CAPN9: variants seen among roughly 807,000 people sequenced by gnomAD.
The protein encoded by CAPN9 is calpain-9.
CAPN9 carries 81 observed loss-of-function variants against 92.8 expected under a neutral mutation model. The observed-to-expected ratio is 0.87, with a 90% confidence interval of 0.73 to 1.05. CAPN9 has a LOEUF of 1.05. CAPN9 is among the 50% of genes least tolerant of loss of function. The pLI, the probability that CAPN9 is intolerant of heterozygous loss-of-function variation, is 0.00. For synonymous variants in CAPN9, 304 were observed against 328.0 expected (o/e 0.93, Z 0.79); for missense variants, 848 against 866.2 (o/e 0.98, Z 0.26).
chr1:230,797,151 C>A (rs1668409172), intron 18 of CAPN9, among the ~76,000 whole-genome samples: 1 of 152,166 alleles, frequency 6.6e-6, no homozygotes, highest in Admixed American at 6.5e-5. Flanking sequence ...TCAGGGGTGG[C>A]ACACAGCATT....
Position 230,790,122 on chromosome 1 carries a change from A to T in CAPN9, c.1600-10A>T, listed in dbSNP as rs758735123. The stretch of plus-strand genomic sequence containing the variant: ...AGGGCTATAACAAACAATTGTCTCC[A>T]CTTCAACAGGACATGGAGGTGACAG... On this transcript the variant is annotated splice_polypyrimidine_tract_variant and intron_variant, in intron 13 of 19. Transcript: ENST00000271971. 2.8e-5 allele frequency: 45 copies of T among 1,610,912 alleles called. No homozygotes were observed. In the East Asian group the frequency reaches 7.1e-4, roughly 26 times the overall value.
intron 3 of CAPN9, among the ~76,000 whole-genome samples, chr1:230,761,470 C>T (rs1017973147): frequency 6.6e-6 from 1 of 152,136 alleles, no homozygotes; most frequent in Non-Finnish European, 1.5e-5. Flanking sequence ...GTGCCTCAGT[C>T]CCACCTGAAG....
chr1:230,796,361 A>C (rs1668357575), intron 18 of CAPN9, among the ~76,000 whole-genome samples: 1 of 149,684 alleles, frequency 6.7e-6, no homozygotes, highest in Non-Finnish European at 1.5e-5. Context: ...TAAATAAATA[A>C]ATAAATAAAT....
Position 230,801,704 on chromosome 1 carries a change from C to T in CAPN9, c.*108C>T. ...CATTACGCCCAGGGTTCACTCCCCT[C>T]TCATCGTCCGGCCTTCTCCCTTCAT... On this transcript the variant is annotated 3_prime_UTR_variant, in exon 20 of 20. Coordinates refer to ENST00000271971, the MANE Select transcript of CAPN9 (RefSeq NM_006615.3). 5 of 977,388 alleles carry T rather than the reference C, an allele frequency of 5.1e-6. No homozygotes were observed. The South Asian group carries it at 6.4e-5, about 13-fold the overall frequency. The allele number at this position is 977,388 out of a possible 1,614,324, so 60.5% of individuals were successfully genotyped here. A position where few individuals can be genotyped will look rare whatever the true frequency, so the allele number is the denominator to read the frequency against.
chr1:230,797,378 A>T (rs1668425373), intron 18 of CAPN9, among the ~76,000 whole-genome samples: 1 of 152,146 alleles, frequency 6.6e-6, no homozygotes, highest in African/African-American at 2.4e-5. Context: ...CACCTAACGA[A>T]ATTCTCAGCA....
In CAPN9 at chr1:230,779,149, G is replaced by A. The variant is rs765323395; in HGVS notation, c.1114+16G>A. On this transcript the variant is annotated intron_variant, in intron 9 of 19. Coordinates refer to ENST00000271971, the MANE Select transcript of CAPN9 (RefSeq NM_006615.3). ...AATTTCCTGGGTAGGTAGGCTGCCT[G>A]TCACTCTCTCTGCCACTCCCAAGTG... is the stretch of plus-strand genomic sequence containing the variant. 7 of 1,611,028 alleles carry A rather than the reference G, an allele frequency of 4.3e-6. No homozygotes were observed. The Admixed American group carries it at 1.2e-4, about 27-fold the overall frequency.
intron 17 of CAPN9, 22 bp downstream of exon 17, chr1:230,792,950 A>T: frequency 6.3e-7 from 1 of 1,587,740 alleles, no homozygotes; most frequent in Non-Finnish European, 8.6e-7. Context: ...ACTGGAGTAC[A>T]GGTGGCTGAC....
At chr1:230,780,780 CT>C (rs1229839425) in intron 11 of CAPN9, 72 bp downstream of exon 11, 1 of 1,231,380 alleles carries the variant, frequency 8.1e-7, no homozygotes, top group Non-Finnish European at 1.2e-6. Context: ...CACCTGGGAA[CT>C]GCTGGAGCCA....
chr1:230,772,646 G>A (rs1212224046), intron 7 of CAPN9, among the ~76,000 whole-genome samples: 1 of 152,158 alleles, frequency 6.6e-6, no homozygotes, highest in Non-Finnish European at 1.5e-5. Flanking sequence ...GCAAGCCGAG[G>A]TGGGAGGATC....
chr1:230,790,248 G>A (rs1163486191), intron 14 of CAPN9, 59 bp downstream of exon 14: 12 of 1,596,756 alleles, frequency 7.5e-6, no homozygotes, highest in South Asian at 1.1e-5. Flanking sequence ...CGACCACACT[G>A]CCTGGGTCCC....
At chr1:230,758,678 C>G (rs1172510859) in intron 2 of CAPN9, among the ~76,000 whole-genome samples, 1 of 152,186 alleles carries the variant, frequency 6.6e-6, no homozygotes, top group Non-Finnish European at 1.5e-5. Flanking sequence ...AATGTGAACT[C>G]AGAAACTGCC....
At chr1:230,775,034 C>T (rs1019839034) in intron 8 of CAPN9, among the ~76,000 whole-genome samples, 2 of 152,120 alleles carry the variant, frequency 1.3e-5, no homozygotes, top group Non-Finnish European at 2.9e-5. Flanking sequence ...AGCCACCACG[C>T]CCAGCCTTCT....
chr1:230,769,649 CTATCTATCTATCTATCT>C (rs1262017713), intron 6 of CAPN9, among the ~76,000 whole-genome samples: 3 of 129,262 alleles, frequency 2.3e-5, no homozygotes, highest in Admixed American at 8.1e-5. Flanking sequence ...ATCTATCTAT[CTATCTATCTATCTATCT>C]ATCTATCTAT....
At chr1:230,781,485 T>A (rs1009486097) in intron 11 of CAPN9, among the ~76,000 whole-genome samples, 1 of 152,230 alleles carries the variant, frequency 6.6e-6, no homozygotes, top group African/African-American at 2.4e-5. Flanking sequence ...TCATTTTACA[T>A]ACCCAATATT....
chr1:230,794,647 C>T (rs1668223635), intron 17 of CAPN9, among the ~76,000 whole-genome samples: 1 of 152,200 alleles, frequency 6.6e-6, no homozygotes, highest in Non-Finnish European at 1.5e-5. Context: ...TCATTCTTCC[C>T]CCATCGTGGA....
In CAPN9 at chr1:230,780,210, GTC is replaced by G. The variant is rs1338023414; in HGVS notation, c.1150_1151del (p.Leu384AspfsTer2). 1 of 1,613,858 alleles carries G rather than the reference GTC, an allele frequency of 6.2e-7. No homozygotes were observed. The highest frequency in any genetic ancestry group is 8.5e-7 in the Non-Finnish European group (1 of 1,179,920). On this transcript the variant is annotated frameshift_variant, in exon 10 of 20. Transcript: ENST00000271971. LOFTEE classifies it high-confidence loss of function. ...TTTGGACCAATCCACAAATAAAATT[GTC>G]TCTGACTGAGAAAGATGAGGGGCAG... Reference protein sequence around the residue: ...TFWTNPQIKLSLTEKDEGQEE... With the variant: ...TFWTNPQIKLXLTEKDEGQEE...
rs777730830 is a variant in CAPN9 at position 230,778,933 on chromosome 1, C to T, written c.954-40C>T. 145 of 1,569,000 alleles carry T rather than the reference C, an allele frequency of 9.2e-5. 1 individual carries two copies. In the Admixed American group the frequency reaches 2.5e-3, roughly 27 times the overall value. ...TGAGTGAATGGATGATGCCCTCACT[C>T]TTGCCCTCCTGTGCATCGTGTCTCT... On this transcript the variant is annotated intron_variant, in intron 8 of 19. Transcript: ENST00000271971.
At position 230,767,541 on chromosome 1, in the gene CAPN9, G is replaced by C; in HGVS notation, c.537G>C (p.Lys179Asn). Residue 179 changes from lysine (K) to asparagine (N), a missense_variant and splice_region_variant, in exon 5 of 20, where the codon AAG (lysine) becomes AAC (asparagine). Coordinates refer to ENST00000271971, the MANE Select transcript of CAPN9 (RefSeq NM_006615.3). ...WSALLEKAYA[K>N]LNGSYEALKG... is the part of the protein sequence containing the mutation. ...CCTCTCTCTCTTGCCACCCTTGCAGGCTAAATGGGAGCTATGAAGCTCTGA... is the reference window on the plus strand; with the variant it reads ...CCTCTCTCTCTTGCCACCCTTGCAGCCTAAATGGGAGCTATGAAGCTCTGA... 1 of 1,607,838 alleles carries C rather than the reference G, an allele frequency of 6.2e-7. No individual in the cohort carries two copies. The highest frequency in any genetic ancestry group is 8.5e-7 in the Non-Finnish European group (1 of 1,177,440).
intron 2 of CAPN9, among the ~76,000 whole-genome samples, chr1:230,758,303 CT>C (rs1423407293): frequency 6.6e-6 from 1 of 152,192 alleles, no homozygotes; most frequent in Admixed American, 6.5e-5. Context: ...GACACCAAGT[CT>C]CTCCTTATCT....
Sources: allele counts gnomAD v4.1 joint callset (sites outside exome capture counted in the v4.1 genomes callset), GRCh38; gene constraint gnomAD v4.1.1; transcripts MANE v1.5; gene names NCBI Gene and HGNC (gene_info 2026-07-23, HGNC 2026-07-21).